Variants in ERC2 observed in about 807,000 individuals in gnomAD.
ERC2 encodes ERC protein 2.
Under a neutral mutation model 114.8 loss-of-function variants are expected in ERC2, and 42 were observed. The observed-to-expected ratio is 0.37, with a 90% CI of 0.29 to 0.47. The LOEUF is 0.47. Ranked by LOEUF, ERC2 falls within the 20% of genes least tolerant of loss-of-function variation. The pLI, the probability that ERC2 is intolerant of heterozygous loss-of-function variation, is 0.99. For missense variants in ERC2, 939 were observed against 1,150.7 expected, an observed-to-expected ratio of 0.82 and a Z score of 2.66; for synonymous variants, 454 against 425.5, an observed-to-expected ratio of 1.07 and a Z score of -0.82.
intron 15 of ERC2, among the ~76,000 whole-genome samples, chr3:55,730,048 T>G (rs2065160732): frequency 6.6e-6 from 1 of 151,690 alleles, no homozygotes; most frequent in Non-Finnish European, 1.5e-5. Flanking sequence ...CCTGGACAGG[T>G]TGGGAGTCAC....
At chr3:55,713,612 T>C (rs995711520) in intron 15 of ERC2, among the ~76,000 whole-genome samples, 2 of 152,222 alleles carry the variant, frequency 1.3e-5, no homozygotes, top group African/African-American at 2.4e-5. Flanking sequence ...TGTCTGCCAT[T>C]GTTTTTGGTA....
chr3:55,824,261 C>T (rs981642377), intron 14 of ERC2, among the ~76,000 whole-genome samples: 1 of 152,144 alleles, frequency 6.6e-6, no homozygotes, highest in Admixed American at 6.5e-5. Flanking sequence ...TCGTGATTCT[C>T]CAGGCTCTCT....
At chr3:56,315,038 T>C (rs746173164) in intron 2 of ERC2, among the ~76,000 whole-genome samples, 327 of 152,226 alleles carry the variant, frequency 2.1e-3, no homozygotes, top group Non-Finnish European at 3.4e-3. Flanking sequence ...TCTAGACGCA[T>C]CCCTTCCACC....
chr3:55,795,557 T>C (rs1247658910), intron 14 of ERC2, among the ~76,000 whole-genome samples: 1 of 152,210 alleles, frequency 6.6e-6, no homozygotes, highest in South Asian at 2.1e-4. Flanking sequence ...GATACTAACA[T>C]AGTGCTTCTG....
intron 6 of ERC2, among the ~76,000 whole-genome samples, chr3:56,102,564 A>G (rs2078419813): frequency 6.6e-6 from 1 of 152,220 alleles, no homozygotes. Context: ...TCCATTTGAA[A>G]GACAGCCTAG....
chr3:55,575,808 G>A lies in ERC2; in HGVS notation c.*40-64532C>T, dbSNP rs1043439356. Among the ~76,000 whole-genome samples the A allele has an allele frequency of 2.6e-5, 4 of 152,154 alleles. No homozygotes were observed. The East Asian group carries it at 7.7e-4, about 29-fold the overall frequency. Reference sequence around the variant, plus strand: ...GGGGAAAACCAGAGTAGCAAGAGCAGTCAAACCCTGCCTGGGACTTTGTGC... The same window carrying A: ...GGGGAAAACCAGAGTAGCAAGAGCAATCAAACCCTGCCTGGGACTTTGTGC... On this transcript the variant is annotated intron_variant, in intron 17 of 17. Transcript: ENST00000288221.
intron 17 of ERC2, among the ~76,000 whole-genome samples, chr3:55,607,469 C>A (rs566881933): frequency 6.6e-6 from 1 of 152,244 alleles, no homozygotes; most frequent in African/African-American, 2.4e-5. Flanking sequence ...AGCCTGTAAT[C>A]CTACATCCAA....
At chr3:55,781,267 G>A (rs747436642) in intron 14 of ERC2, among the ~76,000 whole-genome samples, 2 of 152,132 alleles carry the variant, frequency 1.3e-5, no homozygotes, top group Non-Finnish European at 2.9e-5. Flanking sequence ...AGATCTGCAT[G>A]AGCAACTGAA....
At chr3:55,888,330 T>C in intron 14 of ERC2, 59 bp downstream of exon 14, 1 of 1,588,260 alleles carries the variant, frequency 6.3e-7, no homozygotes, top group Non-Finnish European at 8.6e-7. Context: ...CCCTTCCCCT[T>C]TCCCACTCTC....
intron 3 of ERC2, among the ~76,000 whole-genome samples, chr3:56,204,491 AT>A (rs927990135): frequency 6.8e-6 from 1 of 147,646 alleles, no homozygotes; most frequent in African/African-American, 2.5e-5. Context: ...ATTTTATTTT[AT>A]TTTATTTTAT....
At chr3:55,602,243 G>A (rs2058436569) in intron 17 of ERC2, among the ~76,000 whole-genome samples, 1 of 152,206 alleles carries the variant, frequency 6.6e-6, no homozygotes, top group African/African-American at 2.4e-5. Context: ...TGTGAGACCT[G>A]TGAAAGATGC....
intron 13 of ERC2, among the ~76,000 whole-genome samples, chr3:55,930,447 C>T (rs556952741): frequency 1.4e-3 from 217 of 152,186 alleles, no homozygotes; most frequent in African/African-American, 5.1e-3. Flanking sequence ...AGAAATAACA[C>T]CACACATCTA....
At chr3:56,310,539 G>A (rs2056476106) in intron 2 of ERC2, among the ~76,000 whole-genome samples, 1 of 152,182 alleles carries the variant, frequency 6.6e-6, no homozygotes, top group Non-Finnish European at 1.5e-5. Context: ...CTGGGTGGCA[G>A]GCATTGAACT....
rs144191692 is a variant in ERC2 at position 55,633,454 on chromosome 3, C to T, written c.*39+50340G>A. Reference sequence around the variant, plus strand: ...AAAATAACTCTATATCCCTTCCCCACGAAGGTTCTGAAAAGGTGGAAAAAC... The same window carrying T: ...AAAATAACTCTATATCCCTTCCCCATGAAGGTTCTGAAAAGGTGGAAAAAC... On this transcript the variant is annotated intron_variant, in intron 17 of 17. Transcript: ENST00000288221. Among the ~76,000 whole-genome samples, 459 of 152,222 alleles carry T rather than the reference C, an allele frequency of 3.0e-3. 2 individuals are homozygous for T. The highest frequency in any genetic ancestry group is 8.3e-3 in the African/African-American group (343 of 41,552).
intron 17 of ERC2, among the ~76,000 whole-genome samples, chr3:55,632,031 T>C (rs550345570): frequency 6.6e-6 from 1 of 152,206 alleles, no homozygotes; most frequent in Non-Finnish European, 1.5e-5. Context: ...GGAACTGCGA[T>C]TGCAACCAAG....
intron 14 of ERC2, among the ~76,000 whole-genome samples, chr3:55,811,831 C>A (rs949062116): frequency 4.6e-5 from 7 of 152,130 alleles, no homozygotes; most frequent in Admixed American, 4.6e-4. Context: ...CTCACAATTG[C>A]CTATTTGTCT....
chr3:56,215,511 C>T (rs1048693224), intron 3 of ERC2, among the ~76,000 whole-genome samples: 8 of 152,154 alleles, frequency 5.3e-5, no homozygotes, highest in Non-Finnish European at 8.8e-5. Flanking sequence ...TAGAGACCTA[C>T]AAAGAGACTT....
rs566746887 is a variant in ERC2, at chr3:55,777,078, A to T, written c.2565-42160T>A. Among the ~76,000 whole-genome samples, 163 of 144,576 alleles carry T rather than the reference A, an allele frequency of 1.1e-3. 1 individual carries two copies. Among genetic ancestry groups the T allele is most frequent in the African/African-American group, 4.6e-3 (162 of 35,504 alleles). The allele number at this position is 144,576 out of a possible 152,430, so 94.8% of individuals were successfully genotyped here. A position where few individuals can be genotyped will look rare whatever the true frequency, so the allele number is the denominator to read the frequency against. ...CCCCAAAGGCAGTTAAAAATACATA[A>T]AAAAAAAATAATAACAGCAATATCT... On this transcript the variant is annotated intron_variant, in intron 14 of 17. Coordinates refer to ENST00000288221, the MANE Select transcript of ERC2 (RefSeq NM_015576.3).
intron 17 of ERC2, among the ~76,000 whole-genome samples, chr3:55,579,158 C>T (rs2057133454): frequency 6.6e-6 from 1 of 152,164 alleles, no homozygotes; most frequent in Non-Finnish European, 1.5e-5. Flanking sequence ...ATATAGGAAT[C>T]CTGAAAATTG....
Sources: gnomAD v4.1 joint callset for allele counts (sites outside exome capture counted in the v4.1 genomes callset) on GRCh38, gnomAD v4.1.1 for gene constraint, MANE v1.5 for transcripts, NCBI Gene and HGNC (gene_info 2026-07-23, HGNC 2026-07-21) for gene names.